CD47: variants seen among roughly 807,000 people sequenced by gnomAD.
CD47 encodes leukocyte surface antigen CD47.
Under a neutral mutation model 44.6 loss-of-function variants are expected in CD47, and 11 were observed. The observed-to-expected ratio is 0.25, with a 90% confidence interval of 0.16 to 0.41. The LOEUF (loss-of-function observed/expected upper bound fraction) is 0.41, where lower values mean the gene tolerates loss of function less well. Among genes scored for constraint, CD47 ranks in the 10% least tolerant of loss-of-function variants. The pLI is 1.00. For missense variants in CD47, 306 were observed against 386.7 expected (o/e 0.79, Z 1.75); for synonymous variants, 140 against 136.3 (o/e 1.03, Z -0.19).
intron 3 of CD47, 96 bp from the exon 4 acceptor site, chr3:108,060,948 A>G (rs1022783733): frequency 6.8e-6 from 5 of 738,028 alleles, no homozygotes; most frequent in Non-Finnish European, 1.1e-5. Context: ...CAGAAGTACT[A>G]TAATGTAATA....
intron 1 of CD47, among the ~76,000 whole-genome samples, chr3:108,089,325 G>A (rs2079583155): frequency 6.6e-6 from 1 of 152,040 alleles, no homozygotes; most frequent in African/African-American, 2.4e-5. Flanking sequence ...CTAATTACAT[G>A]ATATTAACTA....
chr3:108,054,253 C>T (rs955037713), intron 7 of CD47: 9 of 152,074 alleles, frequency 5.9e-5, no homozygotes, highest in South Asian at 2.1e-4. Context: ...TATTGCTAAC[C>T]GCCAAGTAAC....
chr3:108,074,394 A>T (rs958407221), intron 2 of CD47, among the ~76,000 whole-genome samples: 1 of 151,672 alleles, frequency 6.6e-6, no homozygotes, highest in Non-Finnish European at 1.5e-5. Flanking sequence ...GCTCACTGCA[A>T]CCTCCACCTC....
At chr3:108,049,803 T>C in intron 9 of CD47, 152 bp from the exon 10 acceptor site, 2 of 653,926 alleles carry the variant, frequency 3.1e-6, no homozygotes, top group Non-Finnish European at 5.5e-6. Context: ...GTAGCCTTTC[T>C]GTGGATCATA....
intron 3 of CD47, among the ~76,000 whole-genome samples, chr3:108,069,116 C>G (rs1241580941): frequency 6.6e-6 from 1 of 152,184 alleles, no homozygotes; most frequent in Non-Finnish European, 1.5e-5. Context: ...GTATTCTCAT[C>G]TGCAATAGTA....
chr3:108,056,254 G>A (rs1394666858), intron 7 of CD47, among the ~76,000 whole-genome samples: 4 of 152,020 alleles, frequency 2.6e-5, no homozygotes, highest in Non-Finnish European at 5.9e-5. Flanking sequence ...GGCATTATGT[G>A]GTATAAAATT....
At chr3:108,090,316 G>A (rs2079606215) in intron 1 of CD47, among the ~76,000 whole-genome samples, 1 of 152,142 alleles carries the variant, frequency 6.6e-6, no homozygotes, top group African/African-American at 2.4e-5. Flanking sequence ...AAACTTAATT[G>A]TGTCCTTTAC....
rs2078700702 is a variant in CD47 at position 108,045,032 on chromosome 3, G to C, written c.*2256C>G. The C allele has an allele frequency of 6.6e-6, 1 of 152,634 alleles. No individual in the cohort carries two copies. Among genetic ancestry groups the C allele is most frequent in the Non-Finnish European group, 1.5e-5 (1 of 68,048 alleles). The allele number at this position is 152,634 out of a possible 1,614,324, so 9.5% of individuals were successfully genotyped here. On this transcript the variant is annotated 3_prime_UTR_variant, in exon 11 of 11. Transcript: ENST00000361309. Reference sequence around the variant, plus strand: ...AACTGGCCCAATGATGCCCAAGCAGGAGGACTCCTGCTTCTGTGGTCACTT... The same window carrying C: ...AACTGGCCCAATGATGCCCAAGCAGCAGGACTCCTGCTTCTGTGGTCACTT...
intron 3 of CD47, among the ~76,000 whole-genome samples, chr3:108,068,967 C>A (rs1401933569): frequency 6.6e-6 from 1 of 152,044 alleles, no homozygotes; most frequent in Non-Finnish European, 1.5e-5. Flanking sequence ...TAAAATATGA[C>A]CAGTACAAAA....
intron 4 of CD47, among the ~76,000 whole-genome samples, 191 bp downstream of exon 4, chr3:108,060,554 G>A (rs1196429972): frequency 2.0e-5 from 3 of 152,200 alleles, no homozygotes; most frequent in African/African-American, 7.2e-5. Context: ...AGCCTTGAGA[G>A]GGAGTGTGGC....
chr3:108,051,961 T>C lies in CD47; in HGVS notation c.887A>G (p.Gln296Arg), dbSNP rs931195630. 1 of 1,411,074 alleles carries C rather than the reference T, an allele frequency of 7.1e-7. No individual in the cohort carries two copies. Among genetic ancestry groups the C allele is most frequent in the South Asian group, 1.2e-5 (1 of 86,106 alleles). The allele number at this position is 1,411,074 out of a possible 1,614,324, so 87.4% of individuals were successfully genotyped here. Residue 296 changes from glutamine to arginine, a missense_variant, in exon 8 of 11, where the codon CAG becomes CGG. Coordinates refer to ENST00000361309, the MANE Select transcript of CD47 (RefSeq NM_001777.4). ...TACCCTAGGAGGTTGTATAGTCTTC[T>C]GATTGGAAGCTGATATAAATAACAA... The part of the protein sequence containing the change: ...LVYMKFVASN[Q>R]KTIQPPRKAV...
At chr3:108,049,006 A>G (rs2078772310) in intron 10 of CD47, among the ~76,000 whole-genome samples, 1 of 152,154 alleles carries the variant, frequency 6.6e-6, no homozygotes, top group Non-Finnish European at 1.5e-5. Context: ...AAGAACAAAT[A>G]TATTTCTTTG....
chr3:108,057,728 A>G (rs2078935360), intron 6 of CD47, among the ~76,000 whole-genome samples, 159 bp from the exon 7 acceptor site: 1 of 152,228 alleles, frequency 6.6e-6, no homozygotes. Context: ...ACTCAAAATT[A>G]TTAGAAGAAC....
At chr3:108,064,707 G>C (rs1426370800) in intron 3 of CD47, among the ~76,000 whole-genome samples, 7 of 152,274 alleles carry the variant, frequency 4.6e-5, no homozygotes, top group Admixed American at 3.3e-4. Context: ...TGGAGTGATT[G>C]GTAAGTAAGC....
In CD47 at chr3:108,058,585, C is replaced by T. The variant is rs938513742; in HGVS notation, c.692-156G>A. Among the ~76,000 whole-genome samples the T allele has an allele frequency of 5.3e-5, 8 of 152,210 alleles. No individual in the cohort carries two copies. The South Asian group carries it at 1.7e-3, about 31-fold the overall frequency. On this transcript the variant is annotated intron_variant, in intron 5 of 10. Coordinates refer to ENST00000361309, the MANE Select transcript of CD47 (RefSeq NM_001777.4). Reference sequence around the variant, plus strand: ...TAGATGTTAACTCAGTGATCTAACCCTTCCACACAAGTAGTCAGCTCCAAA... The same window carrying T: ...TAGATGTTAACTCAGTGATCTAACCTTTCCACACAAGTAGTCAGCTCCAAA...
intron 3 of CD47, 140 bp downstream of exon 3, chr3:108,070,953 T>G: frequency 1.9e-6 from 1 of 530,746 alleles, no homozygotes; most frequent in Non-Finnish European, 3.4e-6. Flanking sequence ...TCAAGGAGAC[T>G]AGTAGTATTC....
At chr3:108,090,730 G>A (rs2079618324) in intron 1 of CD47, 133 bp downstream of exon 1, 1 of 687,496 alleles carries the variant, frequency 1.5e-6, no homozygotes, top group African/African-American at 1.9e-5. Context: ...TGCACTTCGG[G>A]CGCTCAGGGC....
rs542320599 is a variant in CD47, at chr3:108,060,752, G to A, written c.591C>T (p.Phe197=). 9 of 1,610,596 alleles carry A rather than the reference G, an allele frequency of 5.6e-6. No homozygotes were observed. Among genetic ancestry groups the A allele is most frequent in the Admixed American group, 1.7e-5 (1 of 60,008 alleles). ...AGGAACTGCACATCTTACCTGGGAC[G>A]AAAAGAATGGCTCCAACAATGACAA... The part of the protein sequence containing the change: ...TVIVIVGAIL[F]VPGEYSLKNA... Residue 197 remains phenylalanine (F), a synonymous_variant, in exon 4 of 11, where the codon TTC becomes TTT. Coordinates refer to ENST00000361309, the MANE Select transcript of CD47 (RefSeq NM_001777.4).
At chr3:108,079,850 T>G (rs925048451) in intron 2 of CD47, 141 bp downstream of exon 2, 15 of 585,934 alleles carry the variant, frequency 2.6e-5, no homozygotes, top group African/African-American at 2.4e-4. Context: ...ATCTTAAACT[T>G]GCTAAACATT....
Sources: allele counts gnomAD v4.1 joint callset (sites outside exome capture counted in the v4.1 genomes callset), GRCh38; gene constraint gnomAD v4.1.1; transcripts MANE v1.5; gene names NCBI Gene and HGNC (gene_info 2026-07-23, HGNC 2026-07-21).